The following ZFAND3 variants were observed in gnomAD, a reference collection of about 807,000 sequenced individuals.
The protein encoded by ZFAND3 is AN1-type zinc finger protein 3.
A neutral mutation model predicts 29.6 loss-of-function variants in ZFAND3; 10 were observed. The observed-to-expected ratio is 0.34, with a 90% confidence interval of 0.21 to 0.57. The LOEUF (loss-of-function observed/expected upper bound fraction) is 0.57. ZFAND3 is among the 20% of genes least tolerant of loss of function. The pLI is 0.86. For missense variants in ZFAND3, 230 were observed against 304.5 expected, an observed-to-expected ratio of 0.76 and a Z score of 1.82; for synonymous variants, 128 against 112.6, an observed-to-expected ratio of 1.14 and a Z score of -0.87.
At chr6:38,088,114 C>T (rs1206339190) in intron 4 of ZFAND3, among the ~76,000 whole-genome samples, 1 of 152,122 alleles carries the variant, frequency 6.6e-6, no homozygotes, top group Non-Finnish European at 1.5e-5. Context: ...TGGAAGCAAC[C>T]TAAGTATCTA....
chr6:37,966,024 A>G (rs1373242807), intron 2 of ZFAND3, among the ~76,000 whole-genome samples: 1 of 152,202 alleles, frequency 6.6e-6, no homozygotes, highest in South Asian at 2.1e-4. Flanking sequence ...TGACCTCCCT[A>G]AGTGCTGGGA....
At chr6:37,824,951 GA>G (rs1465152277) in intron 1 of ZFAND3, among the ~76,000 whole-genome samples, 1 of 152,170 alleles carries the variant, frequency 6.6e-6, no homozygotes, top group Non-Finnish European at 1.5e-5. Flanking sequence ...AAAGTTGATT[GA>G]AAACATAACA....
At chr6:38,010,047 C>G (rs1437208200) in intron 2 of ZFAND3, among the ~76,000 whole-genome samples, 2 of 152,176 alleles carry the variant, frequency 1.3e-5, no homozygotes, top group African/African-American at 2.4e-5. Flanking sequence ...GACCAAAACA[C>G]TTCTAACATT....
chr6:37,885,615 G>T (rs1038970298), intron 1 of ZFAND3, among the ~76,000 whole-genome samples: 1 of 152,178 alleles, frequency 6.6e-6, no homozygotes, highest in Non-Finnish European at 1.5e-5. Context: ...CTGCACTCTA[G>T]CCTGGCTGAC....
chr6:38,123,305 G>T (rs1182278637), intron 5 of ZFAND3, among the ~76,000 whole-genome samples: 2 of 152,168 alleles, frequency 1.3e-5, no homozygotes, highest in Non-Finnish European at 2.9e-5. Flanking sequence ...ACATGTTGGG[G>T]ACATGCATTA....
chr6:38,028,039 G>A (rs1763482146), intron 2 of ZFAND3, among the ~76,000 whole-genome samples: 2 of 152,198 alleles, frequency 1.3e-5, no homozygotes, highest in African/African-American at 4.8e-5. Context: ...GTTTAAGAGA[G>A]CACATTTGCT....
intron 3 of ZFAND3, among the ~76,000 whole-genome samples, chr6:38,063,524 T>TTATG (rs1270099292): frequency 6.6e-6 from 1 of 152,102 alleles, no homozygotes; most frequent in Non-Finnish European, 1.5e-5. Flanking sequence ...ATGTTGGTCC[T>TTATG]TATGTATTAA....
chr6:37,941,885 C>G (rs1459452791), intron 2 of ZFAND3, among the ~76,000 whole-genome samples: 1 of 152,092 alleles, frequency 6.6e-6, no homozygotes, highest in Non-Finnish European at 1.5e-5. Context: ...AAAGCCTGTC[C>G]TTTGCTTTGT....
chr6:37,887,681 T>C (rs1765021037), intron 1 of ZFAND3, among the ~76,000 whole-genome samples: 1 of 152,190 alleles, frequency 6.6e-6, no homozygotes, highest in Non-Finnish European at 1.5e-5. Flanking sequence ...TGTATGCATC[T>C]TCTCTGTTAA....
At chr6:38,039,151 A>C (rs1478130479) in intron 2 of ZFAND3, among the ~76,000 whole-genome samples, 1 of 152,196 alleles carries the variant, frequency 6.6e-6, no homozygotes, top group Non-Finnish European at 1.5e-5. Flanking sequence ...TTTTGTTAAT[A>C]AAATTTTAAA....
intron 5 of ZFAND3, among the ~76,000 whole-genome samples, chr6:38,130,794 C>T (rs1765727330): frequency 1.3e-5 from 2 of 152,040 alleles, no homozygotes; most frequent in Admixed American, 1.3e-4. Flanking sequence ...ATGTTCTTTC[C>T]TGGTTTTGGT....
intron 5 of ZFAND3, among the ~76,000 whole-genome samples, chr6:38,145,141 G>A (rs964721946): frequency 6.6e-6 from 1 of 152,144 alleles, no homozygotes; most frequent in Non-Finnish European, 1.5e-5. Flanking sequence ...TCCAGCTCCT[G>A]CTCCACCCAC....
At chr6:38,031,231 A>C (rs1017866398) in intron 2 of ZFAND3, among the ~76,000 whole-genome samples, 3 of 152,120 alleles carry the variant, frequency 2.0e-5, no homozygotes, top group Non-Finnish European at 4.4e-5. Flanking sequence ...TTTTTCAAAA[A>C]TACTTAGTTA....
rs1765441913 is a variant in ZFAND3, at chr6:38,117,375, C to T, written c.529+636C>T. Among the ~76,000 whole-genome samples, 3 of 150,718 alleles carry T rather than the reference C, an allele frequency of 2.0e-5. No individual in the cohort carries two copies. In the South Asian group the frequency reaches 6.3e-4, roughly 32 times the overall value. ...CCAGTCTGAAATAGCTTTACAGTCA[C>T]CTTTCCTTCTGTATTCTGTAGTGTA... is the stretch of plus-strand genomic sequence containing the variant. On this transcript the variant is annotated intron_variant, in intron 5 of 5. Transcript: ENST00000287218.
intron 3 of ZFAND3, among the ~76,000 whole-genome samples, chr6:38,074,437 C>G (rs1248443112): frequency 6.6e-6 from 1 of 152,092 alleles, no homozygotes; most frequent in Non-Finnish European, 1.5e-5. Context: ...AAAAAAGTTT[C>G]TTAGTGTCCT....
At chr6:38,023,873 G>A (rs1330437240) in intron 2 of ZFAND3, among the ~76,000 whole-genome samples, 1 of 152,082 alleles carries the variant, frequency 6.6e-6, no homozygotes, top group East Asian at 1.9e-4. Flanking sequence ...TTAAAAGCAG[G>A]TTGGGTGCAG....
At chr6:37,978,982 G>A (rs1384587790) in intron 2 of ZFAND3, among the ~76,000 whole-genome samples, 1 of 150,682 alleles carries the variant, frequency 6.6e-6, no homozygotes, top group Non-Finnish European at 1.5e-5. Flanking sequence ...TAGTCAGTCT[G>A]GCTAGACATT....
chr6:37,978,666 G>A (rs1443860656), intron 2 of ZFAND3, among the ~76,000 whole-genome samples: 2 of 152,118 alleles, frequency 1.3e-5, no homozygotes, highest in Non-Finnish European at 2.9e-5. Context: ...TTGTCTTTTA[G>A]TGCGTTTGTC....
intron 4 of ZFAND3, among the ~76,000 whole-genome samples, chr6:38,109,901 C>T (rs1022011525): frequency 3.3e-5 from 5 of 152,024 alleles, no homozygotes; most frequent in African/African-American, 4.8e-5. Context: ...TTTCTGATGC[C>T]GTATGTTTTT....
Sources: allele counts gnomAD v4.1 joint callset (sites outside exome capture counted in the v4.1 genomes callset), GRCh38; gene constraint gnomAD v4.1.1; transcripts MANE v1.5; gene names NCBI Gene and HGNC (gene_info 2026-07-23, HGNC 2026-07-21).